RAD50: variants seen among roughly 807,000 people sequenced by gnomAD.
The protein encoded by RAD50 is DNA repair protein RAD50.
Under a neutral mutation model 168.8 loss-of-function variants are expected in RAD50, and 132 were observed. The ratio of observed to expected loss-of-function variants is 0.78; its 90% confidence interval spans 0.68 to 0.90. RAD50 has a LOEUF of 0.90. Among genes scored for constraint, RAD50 ranks in the 40% least tolerant of loss-of-function variants. The probability of loss-of-function intolerance (pLI) is 0.00; values close to 1 mark genes in which losing one functional copy is unlikely to be tolerated. For synonymous variants in RAD50, 525 were observed against 497.4 expected (o/e 1.06, Z -0.74); for missense variants, 1,347 against 1,534.4 (o/e 0.88, Z 2.04).
chr5:132,587,547 T>C lies in RAD50; in HGVS notation c.757-15T>C, dbSNP rs2149840394. 4 of 1,611,816 alleles carry C rather than the reference T, an allele frequency of 2.5e-6. No homozygotes were observed. Among genetic ancestry groups the C allele is most frequent in the Non-Finnish European group, 3.4e-6 (4 of 1,179,110 alleles). ...TATAGTGAGTTTTATTTATGTAATG[T>C]TTCTTTATTTTCAGAATCGTCTAAA... On this transcript the variant is annotated splice_polypyrimidine_tract_variant and intron_variant, in intron 5 of 24. Transcript: ENST00000378823.
intron 21 of RAD50, among the ~76,000 whole-genome samples, chr5:132,620,628 C>G (rs779212681): frequency 6.6e-6 from 1 of 151,756 alleles, no homozygotes; most frequent in Non-Finnish European, 1.5e-5. Context: ...TTCTTGACTC[C>G]TCCTTTTTCC....
intron 10 of RAD50, 137 bp downstream of exon 10, chr5:132,591,543 A>C (rs763903557): frequency 1.2e-6 from 1 of 837,536 alleles, no homozygotes; most frequent in Non-Finnish European, 1.9e-6. Context: ...AGTACTCTAT[A>C]TAATAGACTT....
At chr5:132,565,189 A>G (rs151050845) in intron 2 of RAD50, among the ~76,000 whole-genome samples, 6,127 of 152,202 alleles carry the variant, frequency 0.04, 350 homozygotes, top group African/African-American at 0.13. Context: ...GCCTTCTGCC[A>G]TGATTGTAAG....
At chr5:132,618,315 T>G (rs1751216103) in intron 21 of RAD50, 21 bp downstream of exon 21, 3 of 1,613,376 alleles carry the variant, frequency 1.9e-6, no homozygotes, top group Non-Finnish European at 2.5e-6. Flanking sequence ...GACTGGGGAT[T>G]TTCTTATTGC....
intron 24 of RAD50, chr5:132,641,911 G>A (rs866191399): frequency 2.1e-6 from 1 of 467,700 alleles, no homozygotes; most frequent in South Asian, 3.2e-5. Context: ...TTCTGATCTG[G>A]AAGAAACTAG....
intron 2 of RAD50, among the ~76,000 whole-genome samples, chr5:132,561,984 T>A (rs1002097077): frequency 6.6e-6 from 1 of 152,216 alleles, no homozygotes; most frequent in African/African-American, 2.4e-5. Context: ...TTCTTGAAGC[T>A]CTCTCTTTCT....
intron 1 of RAD50, among the ~76,000 whole-genome samples, 184 bp from the exon 2 acceptor site, chr5:132,559,100 A>G (rs541588250): frequency 6.6e-6 from 1 of 152,344 alleles, no homozygotes; most frequent in East Asian, 1.9e-4. Flanking sequence ...CTTCTTAGTT[A>G]TATAGCATTT....
At chr5:132,622,178 T>A (rs1048439347) in intron 21 of RAD50, among the ~76,000 whole-genome samples, 2 of 151,982 alleles carry the variant, frequency 1.3e-5, no homozygotes, top group Admixed American at 6.6e-5. Context: ...TTTTTTTTTT[T>A]AAAACAGAGT....
intron 21 of RAD50, among the ~76,000 whole-genome samples, chr5:132,623,510 C>T (rs149693849): frequency 2.0e-4 from 31 of 152,212 alleles, no homozygotes; most frequent in African/African-American, 6.7e-4. Context: ...ATAATAATAA[C>T]CCCAAGTTTA....
At chr5:132,590,536 CGTT>C (rs1308371497) in intron 9 of RAD50, among the ~76,000 whole-genome samples, 1 of 152,142 alleles carries the variant, frequency 6.6e-6, no homozygotes, top group African/African-American at 2.4e-5. Context: ...AGGTCACACA[CGTT>C]GTAATTCTAG....
chr5:132,576,348 A>G (rs1561634610), intron 3 of RAD50, among the ~76,000 whole-genome samples: 1 of 152,230 alleles, frequency 6.6e-6, no homozygotes, highest in Non-Finnish European at 1.5e-5. Context: ...TGAGAAGCAG[A>G]CAAGTAGGAA....
intron 13 of RAD50, among the ~76,000 whole-genome samples, chr5:132,600,937 T>C (rs1750876985): frequency 6.6e-6 from 1 of 152,204 alleles, no homozygotes; most frequent in Admixed American, 6.5e-5. Flanking sequence ...AATTATGATT[T>C]ATCTATTGAA....
chr5:132,574,596 T>G (rs1750362066), intron 2 of RAD50, among the ~76,000 whole-genome samples: 1 of 152,194 alleles, frequency 6.6e-6, no homozygotes, highest in African/African-American at 2.4e-5. Context: ...TGCAGCTGGC[T>G]TGAATTCCTC....
Position 132,642,667 on chromosome 5 carries a change from GCTT to G in RAD50, c.*309_*311del. ...GCCTCCCTCCCCAGTGCAAATGCAT[GCTT>G]CTTCTCAAAGCACTGTTGAGAAGGA... On this transcript the variant is annotated 3_prime_UTR_variant, in exon 25 of 25. Transcript: ENST00000378823. The G allele has an allele frequency of 2.2e-6, 1 of 463,914 alleles. No individual in the cohort carries two copies. Among genetic ancestry groups the G allele is most frequent in the East Asian group, 3.8e-5 (1 of 26,624 alleles). The allele number at this position is 463,914 out of a possible 1,614,324, so 28.7% of individuals were successfully genotyped here. A position where few individuals can be genotyped will look rare whatever the true frequency, so the allele number is the denominator to read the frequency against.
intron 5 of RAD50, among the ~76,000 whole-genome samples, chr5:132,585,501 A>C (rs1244113367): frequency 2.0e-5 from 3 of 151,790 alleles, no homozygotes; most frequent in African/African-American, 7.3e-5. Flanking sequence ...TTGCCACCTG[A>C]ATATCTTCGT....
chr5:132,571,130 G>A (rs1458610153), intron 2 of RAD50, among the ~76,000 whole-genome samples: 1 of 152,124 alleles, frequency 6.6e-6, no homozygotes, highest in African/African-American at 2.4e-5. Flanking sequence ...AATTACAGTA[G>A]TAACATCAAA....
Position 132,595,049 on chromosome 5 carries a change from G to A in RAD50, c.1969+5G>A, listed in dbSNP as rs1255272956. 6.2e-7 allele frequency: 1 copy of A among 1,606,490 alleles called. No individual in the cohort carries two copies. The highest frequency in any genetic ancestry group is 1.7e-5 in the Admixed American group (1 of 59,976). On this transcript the variant is annotated splice_donor_5th_base_variant and intron_variant, in intron 12 of 24. Coordinates refer to ENST00000378823, the MANE Select transcript of RAD50 (RefSeq NM_005732.4). Reference sequence around the variant, plus strand: ...AAAAATCATCAAAACAGCGAGGTAAGTTGTCTACTTTATATTATCAGGATA... The same window carrying A: ...AAAAATCATCAAAACAGCGAGGTAAATTGTCTACTTTATATTATCAGGATA...
At chr5:132,599,624 T>C (rs1279491114) in intron 13 of RAD50, among the ~76,000 whole-genome samples, 1 of 152,130 alleles carries the variant, frequency 6.6e-6, no homozygotes, top group Non-Finnish European at 1.5e-5. Flanking sequence ...TGTGATTGAT[T>C]ATAGCTCATC....
chr5:132,595,903 G>T, intron 13 of RAD50, 93 bp downstream of exon 13: 5 of 1,137,150 alleles, frequency 4.4e-6, no homozygotes, highest in Non-Finnish European at 6.6e-6. Context: ...ACTCAGTAAG[G>T]ACTCTGAGCT....
Sources: gnomAD v4.1 joint callset for allele counts (sites outside exome capture counted in the v4.1 genomes callset) on GRCh38, gnomAD v4.1.1 for gene constraint, MANE v1.5 for transcripts, NCBI Gene and HGNC (gene_info 2026-07-23, HGNC 2026-07-21) for gene names.